The following PTPRD variants were observed in gnomAD, a reference collection of about 807,000 sequenced individuals.
The protein encoded by PTPRD is receptor-type tyrosine-protein phosphatase delta.
A neutral mutation model predicts 214.5 loss-of-function variants in PTPRD; 34 were observed. That is an observed-to-expected ratio of 0.16 (90% CI 0.12 to 0.21). PTPRD has a LOEUF of 0.21. Among genes scored for constraint, PTPRD ranks in the 10% least tolerant of loss-of-function variants. PTPRD has a pLI of 1.00. For missense variants in PTPRD, 2,545 were observed against 2,398.7 expected, an observed-to-expected ratio of 1.06 and a Z score of -1.27; for synonymous variants, 1,128 against 845.7, an observed-to-expected ratio of 1.33 and a Z score of -5.79.
rs571649061 is a variant in PTPRD at position 9,842,055 on chromosome 9, T to A, written c.-367-75204A>T. 9.2e-5 allele frequency among the ~76,000 whole-genome samples: 14 copies of A among 152,158 alleles called. 1 individual carries two copies. The South Asian group carries it at 1.2e-3, about 14-fold the overall frequency. ...ATTGGGAAAAATTGCTTATTTTTTC[T>A]GCTGAAATAGCTAAAGGAGGATATT... On this transcript the variant is annotated intron_variant, in intron 5 of 45. Coordinates refer to ENST00000381196, the MANE Select transcript of PTPRD (RefSeq NM_002839.4).
chr9:10,020,327 G>T (rs1472754522), intron 4 of PTPRD, among the ~76,000 whole-genome samples: 1 of 150,802 alleles, frequency 6.6e-6, no homozygotes, highest in Admixed American at 6.6e-5. Flanking sequence ...TTCTTTGACG[G>T]AGTCTTGCTC....
At chr9:9,515,768 T>G (rs1362316950) in intron 8 of PTPRD, among the ~76,000 whole-genome samples, 2 of 152,080 alleles carry the variant, frequency 1.3e-5, no homozygotes, top group Non-Finnish European at 2.9e-5. Flanking sequence ...AAGTTTGATG[T>G]TCTTAAGTAT....
chr9:9,289,574 C>CT (rs1237805296), intron 9 of PTPRD, among the ~76,000 whole-genome samples: 1 of 151,804 alleles, frequency 6.6e-6, no homozygotes, highest in African/African-American at 2.4e-5. Flanking sequence ...ATCTCCAGGA[C>CT]TTATTCATCT....
chr9:8,729,813 G>A (rs148188787), intron 12 of PTPRD, among the ~76,000 whole-genome samples: 73 of 152,258 alleles, frequency 4.8e-4, no homozygotes, highest in African/African-American at 1.7e-3. Flanking sequence ...TGCCCATCAG[G>A]AAATACTTAA....
chr9:9,645,070 C>T (rs78974886), intron 7 of PTPRD, among the ~76,000 whole-genome samples: 3,433 of 152,324 alleles, frequency 0.023, 61 homozygotes, highest in Non-Finnish European at 0.036. Flanking sequence ...GCTAAAAGAG[C>T]ATTAATTGTA....
intron 14 of PTPRD, among the ~76,000 whole-genome samples, chr9:8,581,005 G>C (rs1215796841): frequency 1.3e-5 from 2 of 152,064 alleles, no homozygotes; most frequent in Non-Finnish European, 2.9e-5. Context: ...ATTAGAACTT[G>C]TATATATTCA....
At chr9:10,585,918 T>G (rs1424864789) in intron 2 of PTPRD, among the ~76,000 whole-genome samples, 1 of 152,080 alleles carries the variant, frequency 6.6e-6, no homozygotes, top group Non-Finnish European at 1.5e-5. Flanking sequence ...TAAATTCCAC[T>G]CAGTGATATA....
At chr9:8,942,758 T>C (rs2099041411) in intron 11 of PTPRD, among the ~76,000 whole-genome samples, 1 of 152,138 alleles carries the variant, frequency 6.6e-6, no homozygotes, top group Admixed American at 6.5e-5. Context: ...GCTTGTTTAT[T>C]TGAATTCTGG....
intron 14 of PTPRD, among the ~76,000 whole-genome samples, chr9:8,557,529 G>C (rs1195368353): frequency 2.0e-5 from 3 of 148,400 alleles, no homozygotes; most frequent in East Asian, 3.9e-4. Flanking sequence ...GATCACCTGA[G>C]GTCAGGAGTT....
intron 2 of PTPRD, among the ~76,000 whole-genome samples, chr9:10,399,856 T>C (rs1344633859): frequency 6.6e-6 from 1 of 151,834 alleles, no homozygotes; most frequent in Non-Finnish European, 1.5e-5. Flanking sequence ...AAGGGGTATT[T>C]GAGCTGGAGG....
intron 11 of PTPRD, among the ~76,000 whole-genome samples, chr9:8,863,596 A>C (rs1472163193): frequency 6.6e-6 from 1 of 152,210 alleles, no homozygotes; most frequent in Non-Finnish European, 1.5e-5. Context: ...TTTCCTAACA[A>C]AATTGTGTAT....
intron 32 of PTPRD, 147 bp downstream of exon 32, chr9:8,465,319 C>A: frequency 1.4e-6 from 1 of 704,936 alleles, no homozygotes; most frequent in Admixed American, 2.8e-5. Context: ...GAGCAATGTT[C>A]AAAGAGTAGG....
chr9:10,348,441 C>T (rs545484563), intron 2 of PTPRD, among the ~76,000 whole-genome samples: 3 of 152,202 alleles, frequency 2.0e-5, no homozygotes, highest in South Asian at 4.1e-4. Context: ...ATGCTGCAAG[C>T]GGTAAAACAC....
At chr9:9,369,875 C>T (rs1329445903) in intron 9 of PTPRD, among the ~76,000 whole-genome samples, 1 of 152,120 alleles carries the variant, frequency 6.6e-6, no homozygotes, top group Non-Finnish European at 1.5e-5. Context: ...GGAATCCTTT[C>T]CCCATTGCTT....
intron 3 of PTPRD, among the ~76,000 whole-genome samples, chr9:10,043,640 G>A (rs1265365692): frequency 1.3e-5 from 2 of 151,676 alleles, no homozygotes; most frequent in Admixed American, 1.3e-4. Flanking sequence ...GTTTTATGAT[G>A]CAAAAAAGGT....
chr9:10,183,487 T>C (rs1046483655), intron 3 of PTPRD, among the ~76,000 whole-genome samples: 5 of 152,186 alleles, frequency 3.3e-5, no homozygotes, highest in African/African-American at 1.2e-4. Flanking sequence ...CATGTAACTA[T>C]TGTTTAAGAT....
intron 2 of PTPRD, among the ~76,000 whole-genome samples, chr9:10,497,600 T>A (rs967337840): frequency 2.0e-5 from 3 of 152,058 alleles, no homozygotes; most frequent in Non-Finnish European, 4.4e-5. Context: ...TTTAATGTTT[T>A]ATGGTGCAAG....
intron 5 of PTPRD, among the ~76,000 whole-genome samples, chr9:9,885,336 T>G (rs1037601540): frequency 1.3e-5 from 2 of 152,090 alleles, no homozygotes; most frequent in African/African-American, 2.4e-5. Flanking sequence ...TTTGTTAAGA[T>G]GTAAGAAAGA....
intron 9 of PTPRD, among the ~76,000 whole-genome samples, chr9:9,331,293 C>T (rs534949034): frequency 3.4e-4 from 51 of 152,094 alleles, no homozygotes; most frequent in African/African-American, 1.2e-3. Context: ...TGTCTTTTTC[C>T]ACCCCCATTT....
Sources: gnomAD v4.1 joint callset for allele counts (sites outside exome capture counted in the v4.1 genomes callset) on GRCh38, gnomAD v4.1.1 for gene constraint, MANE v1.5 for transcripts, NCBI Gene and HGNC (gene_info 2026-07-23, HGNC 2026-07-21) for gene names.